BTBD2: variants seen among roughly 807,000 people sequenced by gnomAD.
BTBD2 encodes the protein BTB/POZ domain-containing protein 2.
BTBD2 carries 15 observed loss-of-function variants against 44.0 expected under a neutral mutation model. The observed-to-expected ratio is 0.34, with a 90% CI of 0.23 to 0.53. BTBD2 has a LOEUF of 0.53. Among genes scored for constraint, BTBD2 ranks in the 20% least tolerant of loss-of-function variants. BTBD2 has a pLI of 0.95. For missense variants in BTBD2, 657 were observed against 746.4 expected, an observed-to-expected ratio of 0.88 and a Z score of 1.39; for synonymous variants, 443 against 335.9, an observed-to-expected ratio of 1.32 and a Z score of -3.49.
At chr19:2,001,321 C>A (rs2016327480) in intron 1 of BTBD2, among the ~76,000 whole-genome samples, 1 of 151,938 alleles carries the variant, frequency 6.6e-6, no homozygotes, top group African/African-American at 2.4e-5. Flanking sequence ...ACGGTGAAAC[C>A]CCGTCTCTAC....
chr19:2,010,256 C>CA (rs2016447528), intron 1 of BTBD2, among the ~76,000 whole-genome samples: 1 of 152,232 alleles, frequency 6.6e-6, no homozygotes, highest in African/African-American at 2.4e-5. Flanking sequence ...CTTCAAGCCC[C>CA]ATGAGAGAAT....
rs529099856 is a variant in BTBD2 at position 1,986,314 on chromosome 19, C to G, written c.*174G>C. 1.3e-6 allele frequency: 1 copy of G among 784,628 alleles called. No individual in the cohort carries two copies. The allele number at this position is 784,628 out of a possible 1,614,324, so 48.6% of individuals were successfully genotyped here. On this transcript the variant is annotated 3_prime_UTR_variant, in exon 9 of 9. Transcript: ENST00000255608. ...GCTGCCCTGATCCAGCAGCCACACT[C>G]GTGGTGAACACAGGGCAACCCCGTC...
At chr19:1,988,708 A>G (rs2016129549) in intron 5 of BTBD2, 1 of 149,712 alleles carries the variant, frequency 6.7e-6, no homozygotes, top group African/African-American at 2.6e-5. Flanking sequence ...GGTTCAAGCA[A>G]TTCTCCTGCC....
At chr19:2,014,759 G>T in intron 1 of BTBD2, 1 of 157,606 alleles carries the variant, frequency 6.3e-6, no homozygotes, top group Non-Finnish European at 1.4e-5. Context: ...AGGAACGGAG[G>T]GTACCGGAGT....
At chr19:1,997,136 C>T (rs150587977) in intron 2 of BTBD2, among the ~76,000 whole-genome samples, 78 of 151,910 alleles carry the variant, frequency 5.1e-4, no homozygotes, top group African/African-American at 1.7e-3. Flanking sequence ...GCCAAGATCA[C>T]GGCACTGCAC....
At chr19:1,992,438 C>T (rs1032809997) in intron 3 of BTBD2, among the ~76,000 whole-genome samples, 1 of 151,942 alleles carries the variant, frequency 6.6e-6, no homozygotes, top group Non-Finnish European at 1.5e-5. Flanking sequence ...CGGGGTCTCT[C>T]TATGTTGCCT....
Position 2,010,684 on chromosome 19 carries a change from G to A in BTBD2, c.407+4613C>T, listed in dbSNP as rs373923539. The stretch of plus-strand genomic sequence containing the variant: ...AGACGGAGTCTCGCCCTGTCACCCA[G>A]GCTGGAGTGCAGTGGCGCAATCTTG... On this transcript the variant is annotated intron_variant, in intron 1 of 8. Coordinates refer to ENST00000255608, the MANE Select transcript of BTBD2 (RefSeq NM_017797.4). Among the ~76,000 whole-genome samples the A allele has an allele frequency of 3.3e-3, 490 of 150,058 alleles. 3 individuals carry two copies. Among genetic ancestry groups the A allele is most frequent in the Middle Eastern group, 0.01 (3 of 294 alleles).
Position 1,986,327 on chromosome 19 carries a change from G to T in BTBD2, c.*161C>A. 1 of 931,756 alleles carries T rather than the reference G, an allele frequency of 1.1e-6. No individual in the cohort carries two copies. The allele number at this position is 931,756 out of a possible 1,614,324, so 57.7% of individuals were successfully genotyped here. A position where few individuals can be genotyped will look rare whatever the true frequency, so the allele number is the denominator to read the frequency against. ...AGCAGCCACACTCGTGGTGAACACA[G>T]GGCAACCCCGTCCTGATGCTGAGAA... On this transcript the variant is annotated 3_prime_UTR_variant, in exon 9 of 9. Coordinates refer to ENST00000255608, the MANE Select transcript of BTBD2 (RefSeq NM_017797.4).
intron 1 of BTBD2, among the ~76,000 whole-genome samples, chr19:2,000,807 C>T (rs890217759): frequency 1.3e-5 from 2 of 152,210 alleles, no homozygotes; most frequent in African/African-American, 4.8e-5. Context: ...CATTGACAGA[C>T]ACGGTGCGAC....
chr19:2,008,533 T>G (rs1279546835), intron 1 of BTBD2, among the ~76,000 whole-genome samples: 1 of 150,444 alleles, frequency 6.6e-6, no homozygotes, highest in Non-Finnish European at 1.5e-5. Flanking sequence ...TCAGGTGATC[T>G]GCCCGCCTTG....
chr19:2,012,351 C>T (rs568736855), intron 1 of BTBD2, among the ~76,000 whole-genome samples: 22 of 151,134 alleles, frequency 1.5e-4, no homozygotes, highest in South Asian at 1.0e-3. Flanking sequence ...AGGGTTTCAC[C>T]GTGTTGACCA....
Position 2,004,831 on chromosome 19 carries a change from A to T in BTBD2, c.408-7368T>A, listed in dbSNP as rs570151546. On this transcript the variant is annotated intron_variant, in intron 1 of 8. Transcript: ENST00000255608. ...CCATCTCTACAAAAAAAAAATTATT[A>T]TTTTTTTTTAGATGGAGTCTTGCTC... Among the ~76,000 whole-genome samples, 23 of 149,384 alleles carry T rather than the reference A, an allele frequency of 1.5e-4. 1 individual carries two copies. In the East Asian group the frequency reaches 1.8e-3, roughly 12 times the overall value.
chr19:1,990,297 G>C, intron 4 of BTBD2, 96 bp from the exon 5 acceptor site: 1 of 1,410,384 alleles, frequency 7.1e-7, no homozygotes, highest in Non-Finnish European at 9.6e-7. Flanking sequence ...AGTTAAAGCC[G>C]GGCTGGCAAC....
At chr19:1,991,293 G>A (rs2016174389) in intron 3 of BTBD2, 1 of 163,104 alleles carries the variant, frequency 6.1e-6, no homozygotes, top group Admixed American at 6.1e-5. Flanking sequence ...CAGCAGACAT[G>A]ACTTCTGACA....
At chr19:2,003,769 CAAA>C (rs1231153820) in intron 1 of BTBD2, among the ~76,000 whole-genome samples, 1 of 96,186 alleles carries the variant, frequency 1.0e-5, no homozygotes, top group African/African-American at 4.4e-5. Context: ...GAAACTCCGT[CAAA>C]GAAAAAAAAA....
At chr19:2,009,357 C>T (rs2016434600) in intron 1 of BTBD2, among the ~76,000 whole-genome samples, 1 of 151,956 alleles carries the variant, frequency 6.6e-6, no homozygotes. Flanking sequence ...CACCGCCACA[C>T]CAGGCTAATT....
At chr19:2,001,890 C>T (rs2145639960) in intron 1 of BTBD2, among the ~76,000 whole-genome samples, 1 of 152,030 alleles carries the variant, frequency 6.6e-6, no homozygotes, top group Non-Finnish European at 1.5e-5. Flanking sequence ...AGCATAGCAC[C>T]ACCATGCCTG....
At chr19:2,004,891 G>A (rs535111485) in intron 1 of BTBD2, among the ~76,000 whole-genome samples, 8 of 149,228 alleles carry the variant, frequency 5.4e-5, no homozygotes, top group Non-Finnish European at 1.0e-4. Flanking sequence ...GTGCCATCTC[G>A]GTTCACTGCA....
Position 2,015,668 on chromosome 19 carries a change from G to C in BTBD2, c.36C>G (p.Cys12Trp). Residue 12 changes from cysteine to tryptophan, a missense_variant, in exon 1 of 9, where the codon TGC (cysteine) becomes TGG (tryptophan). Transcript: ENST00000255608. ...AAGGSGGRAS[C>W]PPGVGVGPGT... ...CCGGGCCGACCCCGACCCCCGGCGG[G>C]CACGACGCACGCCCGCCGCTCCCAC... is the stretch of plus-strand genomic sequence containing the variant. 6 of 999,648 alleles carry C rather than the reference G, an allele frequency of 6.0e-6. No individual in the cohort carries two copies. The highest frequency in any genetic ancestry group is 7.1e-6 in the Non-Finnish European group (6 of 842,552). 61.9% of individuals were successfully genotyped at this position (999,648 alleles called of 1,614,324 possible).
Sources: allele counts gnomAD v4.1 joint callset (sites outside exome capture counted in the v4.1 genomes callset), GRCh38; gene constraint gnomAD v4.1.1; transcripts MANE v1.5; gene names NCBI Gene and HGNC (gene_info 2026-07-23, HGNC 2026-07-21).